The following RUBCN variants were observed in gnomAD, a reference collection of about 807,000 sequenced individuals.
RUBCN encodes the protein rubicon autophagy regulator, also known as run domain Beclin-1-interacting and cysteine-rich domain-containing protein.
Under a neutral mutation model 113.2 loss-of-function variants are expected in RUBCN, and 74 were observed. The ratio of observed to expected loss-of-function variants is 0.65; its 90% CI spans 0.54 to 0.79. The LOEUF (loss-of-function observed/expected upper bound fraction) is 0.79. RUBCN is among the 30% of genes least tolerant of loss of function. The probability of loss-of-function intolerance (pLI) is 0.00; values close to 1 mark genes in which losing one functional copy is unlikely to be tolerated. For synonymous variants in RUBCN, 480 were observed against 490.0 expected, an observed-to-expected ratio of 0.98 and a Z score of 0.27; for missense variants, 1,109 against 1,251.7, an observed-to-expected ratio of 0.89 and a Z score of 1.72.
At chr3:197,744,133 A>G (rs1728642628) in intron 1 of RUBCN, among the ~76,000 whole-genome samples, 1 of 152,080 alleles carries the variant, frequency 6.6e-6, no homozygotes, top group African/African-American at 2.4e-5. Context: ...ATTTCTAGAT[A>G]TCCTCTTTTG....
In RUBCN at chr3:197,701,712, G is replaced by A. The variant is rs1723695520; in HGVS notation, c.723C>T (p.Gly241=). 6.2e-7 allele frequency: 1 copy of A among 1,613,794 alleles called. No homozygotes were observed. Among genetic ancestry groups the A allele is most frequent in the African/African-American group, 1.3e-5 (1 of 74,898 alleles). Residue 241 remains glycine, a synonymous_variant, in exon 6 of 20, where the codon GGC becomes GGT. Coordinates refer to ENST00000296343, the MANE Select transcript of RUBCN (RefSeq NM_014687.4). ...CACTTTTTCCTGTCCCCATACCTGA[G>A]CCATTGTTGGGCACGGATTGGTGGA... ...SSLHQSVPNN[G]SERRSTSFPL... is the part of the protein sequence containing the mutation.
chr3:197,731,210 T>G (rs557753944), intron 1 of RUBCN, among the ~76,000 whole-genome samples: 2 of 152,226 alleles, frequency 1.3e-5, no homozygotes, highest in Non-Finnish European at 1.5e-5. Flanking sequence ...AGGAGCATGC[T>G]GCCTTCAAGC....
intron 2 of RUBCN, among the ~76,000 whole-genome samples, chr3:197,715,265 G>T (rs1725390420): frequency 6.7e-6 from 1 of 148,362 alleles, no homozygotes; most frequent in Admixed American, 6.8e-5. Context: ...ACACAGCCTG[G>T]GCAACAAGAG....
At chr3:197,692,829 G>A (rs1281409041) in intron 11 of RUBCN, among the ~76,000 whole-genome samples, 1 of 152,208 alleles carries the variant, frequency 6.6e-6, no homozygotes, top group African/African-American at 2.4e-5. Context: ...GGCCTGTGCA[G>A]GCGAATGGGC....
In RUBCN at chr3:197,674,866, GTCAGACAA is replaced by G; in HGVS notation, c.*144_*151del. ...TGCCGACGGCTGACTGCACACAGAC[GTCAGACAA>G]GTCAGTAAAAAAAAAAAAAAAGATG... On this transcript the variant is annotated 3_prime_UTR_variant, in exon 20 of 20. Coordinates refer to ENST00000296343, the MANE Select transcript of RUBCN (RefSeq NM_014687.4). 3.2e-6 allele frequency: 2 copies of G among 623,808 alleles called. No homozygotes were observed. The highest frequency in any genetic ancestry group is 7.7e-5 in the Admixed American group (2 of 25,914). The allele number at this position is 623,808 out of a possible 1,614,324, so 38.6% of individuals were successfully genotyped here. A position where few individuals can be genotyped will look rare whatever the true frequency, so the allele number is the denominator to read the frequency against.
intron 7 of RUBCN, among the ~76,000 whole-genome samples, chr3:197,700,149 C>A (rs753485885): frequency 6.6e-6 from 1 of 152,200 alleles, no homozygotes; most frequent in Non-Finnish European, 1.5e-5. Context: ...GTTGCTGGAT[C>A]GCATCACCCT....
intron 1 of RUBCN, among the ~76,000 whole-genome samples, chr3:197,732,813 C>T (rs189245241): frequency 1.7e-4 from 26 of 152,290 alleles, no homozygotes; most frequent in Admixed American, 1.7e-3. Context: ...GTGTTCAACT[C>T]GGATGAAGGA....
chr3:197,700,378 T>A (rs553332773), intron 7 of RUBCN: 4 of 588,646 alleles, frequency 6.8e-6, no homozygotes, highest in Non-Finnish European at 6.0e-6. Context: ...ACCAAACTAG[T>A]AAAGAATCCA....
chr3:197,687,554 T>A (rs1721986844), intron 11 of RUBCN, among the ~76,000 whole-genome samples: 1 of 152,200 alleles, frequency 6.6e-6, no homozygotes, highest in African/African-American at 2.4e-5. Context: ...CAGAAGGGGT[T>A]TCTCCGGCTG....
chr3:197,748,120 T>A (rs1215549140), intron 1 of RUBCN: 1 of 151,898 alleles, frequency 6.6e-6, no homozygotes, highest in African/African-American at 2.4e-5. Context: ...TTTTATTTAT[T>A]TTTATTTTTT....
rs568550970 is a variant in RUBCN at position 197,743,436 on chromosome 3, T to C, written c.-116+5833A>G. On this transcript the variant is annotated intron_variant, in intron 1 of 20. Coordinates refer to the RUBCN transcript ENST00000273582. ...GCACATAGGAGGACCTCGAACTCTG[T>C]TGAATGAACGAATAAATGAACAAAC... is the stretch of plus-strand genomic sequence containing the variant. Among the ~76,000 whole-genome samples the C allele has an allele frequency of 5.3e-5, 8 of 152,212 alleles. No individual in the cohort carries two copies. In the South Asian group the frequency reaches 1.2e-3, roughly 24 times the overall value.
At chr3:197,728,566 C>T (rs1467296212) in intron 1 of RUBCN, among the ~76,000 whole-genome samples, 2 of 152,196 alleles carry the variant, frequency 1.3e-5, no homozygotes, top group African/African-American at 4.8e-5. Flanking sequence ...GTTCCACTAG[C>T]ATCTGCCCAT....
rs1721491824 is a variant in RUBCN, at chr3:197,683,460, G to A, written c.1848-21C>T. 6.2e-7 allele frequency: 1 copy of A among 1,613,460 alleles called. No homozygotes were observed. Among genetic ancestry groups the A allele is most frequent in the African/African-American group, 1.3e-5 (1 of 75,026 alleles). ...GGGAGCTGGAAAGGGGAGAATCAAG[G>A]ACGGCTGAACACAGGGAAAGGATGG... On this transcript the variant is annotated intron_variant, in intron 12 of 19. Transcript: ENST00000296343. The surrounding 1 kb of genome is among the most constrained non-coding windows in gnomAD (Gnocchi z 4.6).
At chr3:197,749,359 G>C in exon 1 of RUBCN, 2 of 1,169,146 alleles carry the variant, frequency 1.7e-6, no homozygotes, top group South Asian at 3.2e-5. Flanking sequence ...ACAGACACGG[G>C]AAACGTTAGC....
In RUBCN at chr3:197,675,775, G is replaced by C. The variant is rs560911381; in HGVS notation, c.2647-260C>G. Among the ~76,000 whole-genome samples, 66 of 152,348 alleles carry C rather than the reference G, an allele frequency of 4.3e-4. No homozygotes were observed. The highest frequency in any genetic ancestry group is 1.5e-3 in the African/African-American group (62 of 41,578). ...CGGCTCTCCATGAAGAGAGGAGAAG[G>C]AGGAAATGGCACCACAAAGGGCTTC... On this transcript the variant is annotated intron_variant, in intron 18 of 19. Transcript: ENST00000296343. The surrounding 1 kb of genome is among the most constrained non-coding windows in gnomAD (Gnocchi z 4.4).
At chr3:197,712,890 G>C (rs1725112797) in intron 2 of RUBCN, among the ~76,000 whole-genome samples, 1 of 145,346 alleles carries the variant, frequency 6.9e-6, no homozygotes, top group Non-Finnish European at 1.5e-5. Flanking sequence ...ATGGAGTTTC[G>C]CTCTTGTCAC....
Position 197,675,287 on chromosome 3 carries a change from C to T in RUBCN, c.2741-91G>A. On this transcript the variant is annotated intron_variant, in intron 19 of 19. Coordinates refer to ENST00000296343, the MANE Select transcript of RUBCN (RefSeq NM_014687.4). This position sits in a 1 kb window ranked among gnomAD's most constrained non-coding sequence, Gnocchi z 4.4. ...TTGCTGCCACAGCCCCTTCTCGCCA[C>T]CAAGGCGTGGTGTCCCCTGGGGAGG... The T allele has an allele frequency of 1.3e-6, 2 of 1,555,526 alleles. No individual in the cohort carries two copies. The highest frequency in any genetic ancestry group is 1.7e-5 in the Admixed American group (1 of 59,956).
At position 197,723,893 on chromosome 3, in the gene RUBCN, G is replaced by C. The variant is rs113805797; in HGVS notation, c.66-5763C>G. Among the ~76,000 whole-genome samples the C allele has an allele frequency of 1.5e-4, 23 of 152,100 alleles. No individual in the cohort carries two copies. In the South Asian group the frequency reaches 1.7e-3, roughly 11 times the overall value. ...GCAGATCACCTGAGGTCAGGAGTTC[G>C]AGACCAACCTGACCAACATGGAAAA... On this transcript the variant is annotated intron_variant, in intron 1 of 19. Transcript: ENST00000296343.
At chr3:197,715,298 A>C (rs929678461) in intron 2 of RUBCN, among the ~76,000 whole-genome samples, 5 of 151,726 alleles carry the variant, frequency 3.3e-5, no homozygotes, top group African/African-American at 1.2e-4. Context: ...TTGAAAAAAA[A>C]AAAAAAAGAA....
Sources: allele counts gnomAD v4.1 joint callset (sites outside exome capture counted in the v4.1 genomes callset), GRCh38; gene constraint gnomAD v4.1.1; non-coding constraint Gnocchi (gnomAD v3.1); transcripts MANE v1.5; gene names NCBI Gene and HGNC (gene_info 2026-07-23, HGNC 2026-07-21).